PCDHGB5: variants seen among roughly 807,000 people sequenced by gnomAD.
PCDHGB5 encodes the protein protocadherin gamma subfamily B, 5.
Under a neutral mutation model 62.9 loss-of-function variants are expected in PCDHGB5, and 48 were observed. The ratio of observed to expected loss-of-function variants is 0.76; its 90% CI spans 0.61 to 0.97. The LOEUF (loss-of-function observed/expected upper bound fraction) is 0.97. PCDHGB5 is among the 50% of genes least tolerant of loss of function. The pLI is 0.00. For missense variants in PCDHGB5, 1,118 were observed against 1,198.6 expected (o/e 0.93, Z 0.99); for synonymous variants, 474 against 511.2 (o/e 0.93, Z 0.98).
intron 1 of PCDHGB5, among the ~76,000 whole-genome samples, chr5:141,472,935 A>G (rs1593400204): frequency 6.6e-6 from 1 of 150,778 alleles, no homozygotes; most frequent in East Asian, 1.9e-4. Context: ...GTGGTGAGCC[A>G]AGATTATGCC....
At chr5:141,498,967 GGGAGGGAAGGAAGGAAGGAA>G (rs1464205074) in intron 2 of PCDHGB5, among the ~76,000 whole-genome samples, 5 of 129,584 alleles carry the variant, frequency 3.9e-5, no homozygotes, top group African/African-American at 1.6e-4. Flanking sequence ...GAGGGAGGGA[GGGAGGGAAGGAAGGAAGGAA>G]GGAAGGAAGG....
chr5:141,450,569 T>G (rs1325535745), intron 1 of PCDHGB5, among the ~76,000 whole-genome samples: 1 of 149,800 alleles, frequency 6.7e-6, no homozygotes, highest in African/African-American at 2.5e-5. Flanking sequence ...TCACTGCAAC[T>G]TCTGCCTCCC....
In PCDHGB5 at chr5:141,398,867, A is replaced by G. The variant is rs375842913; in HGVS notation, c.740A>G (p.Tyr247Cys). Reference protein sequence around the residue: ...DNPPVFNRDVYRVSLRENVPP... With the variant: ...DNPPVFNRDVCRVSLRENVPP... ...CCCCCGGTATTCAACCGAGACGTGTACAGAGTCAGCCTTCGGGAAAACGTG... is the reference window on the plus strand; with the variant it reads ...CCCCCGGTATTCAACCGAGACGTGTGCAGAGTCAGCCTTCGGGAAAACGTG... Residue 247 changes from tyrosine to cysteine, a missense_variant, in exon 1 of 4, where the codon TAC becomes TGC. Coordinates refer to ENST00000617380, the MANE Select transcript of PCDHGB5 (RefSeq NM_018925.3). 1.1e-5 allele frequency: 18 copies of G among 1,613,862 alleles called. No individual in the cohort carries two copies. The highest frequency in any genetic ancestry group is 1.4e-5 in the Non-Finnish European group (17 of 1,179,912).
At chr5:141,410,576 C>A (rs533810160) in intron 1 of PCDHGB5, 1 of 1,611,270 alleles carries the variant, frequency 6.2e-7, no homozygotes, top group African/African-American at 1.3e-5. Flanking sequence ...AATTCCACCT[C>A]ATGGTGGGGA....
At chr5:141,464,218 T>C (rs1464478430) in intron 1 of PCDHGB5, among the ~76,000 whole-genome samples, 1 of 150,958 alleles carries the variant, frequency 6.6e-6, no homozygotes, top group Non-Finnish European at 1.5e-5. Flanking sequence ...TGAGCTGAGA[T>C]TGCGCCACTG....
chr5:141,403,490 C>T, intron 1 of PCDHGB5: 1 of 1,614,044 alleles, frequency 6.2e-7, no homozygotes, highest in South Asian at 1.1e-5. Flanking sequence ...CCACTTCTCC[C>T]TGAACGTGCA....
rs1223986597 is a variant in PCDHGB5, at chr5:141,417,300, A to G, written c.2397+16776A>G. The G allele has an allele frequency of 2.0e-5, 3 of 152,440 alleles. No homozygotes were observed. In the East Asian group the frequency reaches 5.8e-4, roughly 29 times the overall value. The allele number at this position is 152,440 out of a possible 1,614,324, so 9.4% of individuals were successfully genotyped here. ...AAGGAACAAGAATGACTGCCTCTGG[A>G]TGGAGGAATTGGATAGCAATGGGCC... On this transcript the variant is annotated intron_variant, in intron 1 of 3. Coordinates refer to ENST00000617380, the MANE Select transcript of PCDHGB5 (RefSeq NM_018925.3).
chr5:141,451,009 T>C (rs1437016950), intron 1 of PCDHGB5, among the ~76,000 whole-genome samples: 1 of 151,566 alleles, frequency 6.6e-6, no homozygotes, highest in East Asian at 1.9e-4. Context: ...GTATTTTTTT[T>C]AGTAGAGACG....
chr5:141,473,776 T>C (rs1026169931), intron 1 of PCDHGB5, among the ~76,000 whole-genome samples: 1 of 152,214 alleles, frequency 6.6e-6, no homozygotes, highest in Non-Finnish European at 1.5e-5. Context: ...TTTGGTATTT[T>C]AATTCAAGAG....
chr5:141,511,381 G>A lies in PCDHGB5; in HGVS notation c.*208G>A, dbSNP rs545793377. 97 of 1,170,372 alleles carry A rather than the reference G, an allele frequency of 8.3e-5. No homozygotes were observed. In the East Asian group the frequency reaches 9.2e-4, roughly 11 times the overall value. 72.5% of individuals were successfully genotyped at this position (1,170,372 alleles called of 1,614,324 possible). On this transcript the variant is annotated 3_prime_UTR_variant, in exon 4 of 4. Transcript: ENST00000617380. ...GGGTTGAATATGCAAAAGCAGTTCC[G>A]CTGGGAACCCCCATCCAATCAACTG...
In PCDHGB5 at chr5:141,432,690, T is replaced by A. The variant is rs764124373; in HGVS notation, c.2397+32166T>A. 5.0e-6 allele frequency: 8 copies of A among 1,613,854 alleles called. No individual in the cohort carries two copies. The highest frequency in any genetic ancestry group is 2.7e-5 in the African/African-American group (2 of 74,940). ...GACGCGCTCAAGCAGAGCCTCGTAGTGGCCGTCCAGGACCACGGCCAGCCC... is the reference window on the plus strand; with the variant it reads ...GACGCGCTCAAGCAGAGCCTCGTAGAGGCCGTCCAGGACCACGGCCAGCCC... On this transcript the variant is annotated intron_variant, in intron 1 of 3. Coordinates refer to ENST00000617380, the MANE Select transcript of PCDHGB5 (RefSeq NM_018925.3). This position sits in a 1 kb window ranked among gnomAD's most constrained non-coding sequence, Gnocchi z 6.0.
rs909174523 is a variant in PCDHGB5 at position 141,474,102 on chromosome 5, A to AAAC, written c.2398-20695_2398-20693dup. 2.6e-5 allele frequency among the ~76,000 whole-genome samples: 4 copies of AAAC among 152,286 alleles called. No homozygotes were observed. In the East Asian group the frequency reaches 7.7e-4, roughly 29 times the overall value. ...AAAACCAAAAAACAAACAACAACAA[A>AAAC]AACAACAACAACGAAAATCTCAGAA... is the stretch of plus-strand genomic sequence containing the variant. On this transcript the variant is annotated intron_variant, in intron 1 of 3. Coordinates refer to ENST00000617380, the MANE Select transcript of PCDHGB5 (RefSeq NM_018925.3).
intron 1 of PCDHGB5, chr5:141,422,579 C>T: frequency 6.2e-7 from 1 of 1,614,052 alleles, no homozygotes; most frequent in Non-Finnish European, 8.5e-7. Flanking sequence ...GATAACCCTC[C>T]CGTTTTTCCT....
intron 1 of PCDHGB5, among the ~76,000 whole-genome samples, chr5:141,455,410 G>A (rs1332059386): frequency 6.6e-6 from 1 of 152,130 alleles, no homozygotes; most frequent in Non-Finnish European, 1.5e-5. Context: ...CAGAGACAGA[G>A]GGAGCGGGGC....
chr5:141,399,446 A>G lies in PCDHGB5; in HGVS notation c.1319A>G (p.Asp440Gly), dbSNP rs2093810942. ...SSISVILHIR[D>G]VNDNAPVFHQ... ...ATAAGCGTCATCCTACATATCAGAG[A>G]CGTCAACGATAACGCTCCGGTTTTC... Residue 440 changes from aspartate to glycine, a missense_variant, in exon 1 of 4, where the codon GAC (aspartate) becomes GGC (glycine). This residue lies in a region of PCDHGB5 where 1,034 missense variants were observed against 1,029.1 expected (regional missense o/e 1.00). Coordinates refer to ENST00000617380, the MANE Select transcript of PCDHGB5 (RefSeq NM_018925.3). 1 of 1,613,826 alleles carries G rather than the reference A, an allele frequency of 6.2e-7. No homozygotes were observed. The highest frequency in any genetic ancestry group is 1.1e-5 in the South Asian group (1 of 91,082).
At chr5:141,419,432 C>A (rs2096381830) in intron 1 of PCDHGB5, 1 of 1,613,160 alleles carries the variant, frequency 6.2e-7, no homozygotes, top group Non-Finnish European at 8.5e-7. Flanking sequence ...CCACGAGCAG[C>A]TGCGCACCTT....
At chr5:141,428,102 G>A (rs774075619) in intron 1 of PCDHGB5, 1 of 1,608,518 alleles carries the variant, frequency 6.2e-7, no homozygotes, top group Non-Finnish European at 8.5e-7. Context: ...CCTACCACGT[G>A]CTGCAGGCCA....
intron 1 of PCDHGB5, among the ~76,000 whole-genome samples, chr5:141,473,661 G>T (rs935648567): frequency 2.6e-5 from 4 of 152,172 alleles, no homozygotes; most frequent in Non-Finnish European, 4.4e-5. Context: ...TTGTGTGAAG[G>T]CCCTGAGACA....
At chr5:141,410,004 ACGCCTGGCTGTC>A in intron 1 of PCDHGB5, 1 of 1,613,154 alleles carries the variant, frequency 6.2e-7, no homozygotes, top group Non-Finnish European at 8.5e-7. Flanking sequence ...TCGGGACACA[ACGCCTGGCTGTC>A]CTACCACGTG....
Sources: gnomAD v4.1 joint callset for allele counts (sites outside exome capture counted in the v4.1 genomes callset) on GRCh38, gnomAD v4.1.1 for gene constraint, gnomAD v4.1.1 regional missense constraint, Gnocchi (gnomAD v3.1) non-coding constraint, MANE v1.5 for transcripts, NCBI Gene and HGNC (gene_info 2026-07-23, HGNC 2026-07-21) for gene names.